Variants in TENM4 observed in about 807,000 individuals in gnomAD.
TENM4 encodes the protein teneurin transmembrane protein 4, also known as teneurin-4.
TENM4 carries 82 observed loss-of-function variants against 243.3 expected under a neutral mutation model. The ratio of observed to expected loss-of-function variants is 0.34; its 90% confidence interval spans 0.28 to 0.40. TENM4 has a LOEUF of 0.40. TENM4 is among the 10% of genes least tolerant of loss of function. The probability of loss-of-function intolerance (pLI) is 1.00; values close to 1 mark genes in which losing one functional copy is unlikely to be tolerated. For synonymous variants in TENM4, 1,412 were observed against 1,456.3 expected (o/e 0.97, Z 0.69); for missense variants, 3,138 against 3,673.3 (o/e 0.85, Z 3.77).
chr11:79,166,443 C>A (rs1019014554), intron 3 of TENM4, among the ~76,000 whole-genome samples: 6 of 152,126 alleles, frequency 3.9e-5, no homozygotes, highest in Admixed American at 3.9e-4. Context: ...ATCATACAAT[C>A]CCTGCCCCTG....
chr11:78,837,679 T>C (rs552199315), intron 12 of TENM4, among the ~76,000 whole-genome samples: 15 of 152,220 alleles, frequency 9.9e-5, no homozygotes, highest in Non-Finnish European at 1.3e-4. Context: ...TCTAAATATG[T>C]GGATTAGGCA....
At chr11:78,998,706 G>A (rs1858238247) in intron 6 of TENM4, among the ~76,000 whole-genome samples, 1 of 152,182 alleles carries the variant, frequency 6.6e-6, no homozygotes, top group Admixed American at 6.5e-5. Flanking sequence ...AGGTCAGTGG[G>A]AGCAGCAGCT....
intron 1 of TENM4, among the ~76,000 whole-genome samples, chr11:79,299,950 T>C (rs893710770): frequency 6.6e-6 from 1 of 152,212 alleles, no homozygotes; most frequent in African/African-American, 2.4e-5. Context: ...ATTTCTGCAC[T>C]GAATATGAGC....
At chr11:79,425,443 G>A (rs1484108582) in intron 1 of TENM4, among the ~76,000 whole-genome samples, 1 of 152,162 alleles carries the variant, frequency 6.6e-6, no homozygotes, top group Non-Finnish European at 1.5e-5. Context: ...AGTGTCTGGA[G>A]CCTTTGGGGA....
At chr11:78,897,091 T>A (rs1439133258) in intron 7 of TENM4, among the ~76,000 whole-genome samples, 1 of 152,122 alleles carries the variant, frequency 6.6e-6, no homozygotes. Context: ...GAGTCTGGAA[T>A]CCAGGTACTT....
chr11:79,090,661 G>A (rs1185714383), intron 4 of TENM4, among the ~76,000 whole-genome samples: 3 of 152,216 alleles, frequency 2.0e-5, no homozygotes, highest in African/African-American at 7.2e-5. Context: ...TCCCCTGTGC[G>A]CCTCTGCCTC....
intron 2 of TENM4, among the ~76,000 whole-genome samples, chr11:79,280,308 T>C (rs1856134419): frequency 6.6e-6 from 1 of 152,184 alleles, no homozygotes; most frequent in Admixed American, 6.5e-5. Flanking sequence ...CTTCCTCCTT[T>C]TGTGGCCATC....
intron 3 of TENM4, among the ~76,000 whole-genome samples, chr11:79,163,710 T>G (rs781078212): frequency 1.1e-4 from 17 of 151,416 alleles, no homozygotes; most frequent in African/African-American, 1.2e-4. Flanking sequence ...TTGCTGCAAA[T>G]AGCATTATTT....
intron 6 of TENM4, among the ~76,000 whole-genome samples, chr11:78,992,549 A>T (rs1858072213): frequency 6.6e-6 from 1 of 152,212 alleles, no homozygotes; most frequent in African/African-American, 2.4e-5. Flanking sequence ...TTGTGGTGGT[A>T]TGTGAACTCA....
At chr11:79,054,194 A>G (rs551525623) in intron 6 of TENM4, among the ~76,000 whole-genome samples, 1 of 152,102 alleles carries the variant, frequency 6.6e-6, no homozygotes, top group African/African-American at 2.4e-5. Context: ...GACCATTTAC[A>G]TAGGAGGGAA....
chr11:78,729,357 C>A lies in TENM4; in HGVS notation c.3406+19G>T, dbSNP rs1855596816. On this transcript the variant is annotated intron_variant, in intron 22 of 33. Transcript: ENST00000278550. Reference sequence around the variant, plus strand: ...CCCTGCAAGAGCTATTCTCTGAGTCCTGCAGCCGGGAGGCTTACCAAAGGC... The same window carrying A: ...CCCTGCAAGAGCTATTCTCTGAGTCATGCAGCCGGGAGGCTTACCAAAGGC... The A allele has an allele frequency of 2.6e-6, 4 of 1,558,216 alleles. No homozygotes were observed. Among genetic ancestry groups the A allele is most frequent in the Non-Finnish European group, 3.5e-6 (4 of 1,149,548 alleles).
intron 1 of TENM4, among the ~76,000 whole-genome samples, chr11:79,312,820 C>T (rs1031260353): frequency 6.6e-6 from 1 of 152,178 alleles, no homozygotes; most frequent in African/African-American, 2.4e-5. Context: ...CTGCCACTAG[C>T]ATATTCTGAA....
At chr11:78,832,241 G>C (rs1858001740) in intron 12 of TENM4, among the ~76,000 whole-genome samples, 1 of 152,134 alleles carries the variant, frequency 6.6e-6, no homozygotes, top group African/African-American at 2.4e-5. Context: ...GTCCACCCTA[G>C]TCTATAGTGA....
At chr11:78,841,690 C>T (rs1467833277) in intron 12 of TENM4, among the ~76,000 whole-genome samples, 2 of 152,110 alleles carry the variant, frequency 1.3e-5, no homozygotes, top group Admixed American at 6.5e-5. Flanking sequence ...GCTGACAGCA[C>T]GTCCAGGGCT....
chr11:79,318,234 G>A (rs1348336844), intron 1 of TENM4, among the ~76,000 whole-genome samples: 2 of 152,182 alleles, frequency 1.3e-5, no homozygotes, highest in East Asian at 3.9e-4. Flanking sequence ...TGAACAGGGG[G>A]GATAAAAAGG....
In TENM4 at chr11:79,389,414, C is replaced by A. The variant is rs140281237; in HGVS notation, c.-321+51095G>T. On this transcript the variant is annotated intron_variant, in intron 1 of 33. Coordinates refer to ENST00000278550, the MANE Select transcript of TENM4 (RefSeq NM_001098816.3). ...TCAAGCAATCCTTCTGCCTTGGCCT[C>A]CCAAAATGCTGGGATTACAGGTGTG... 3.4e-4 allele frequency among the ~76,000 whole-genome samples: 52 copies of A among 152,338 alleles called. 1 individual carries two copies. The East Asian group carries it at 9.1e-3, about 27-fold the overall frequency.
chr11:78,993,292 G>A (rs902716740), intron 6 of TENM4, among the ~76,000 whole-genome samples: 2 of 151,996 alleles, frequency 1.3e-5, no homozygotes, highest in Non-Finnish European at 2.9e-5. Context: ...TGAAAAAGGG[G>A]AATTTATGTC....
intron 6 of TENM4, among the ~76,000 whole-genome samples, chr11:78,981,287 C>T (rs1049518686): frequency 2.0e-5 from 3 of 152,176 alleles, no homozygotes; most frequent in Non-Finnish European, 4.4e-5. Flanking sequence ...ATCCCATGTG[C>T]AGAACACTCT....
intron 2 of TENM4, among the ~76,000 whole-genome samples, chr11:79,225,073 G>A (rs548632620): frequency 6.6e-6 from 1 of 152,182 alleles, no homozygotes; most frequent in Non-Finnish European, 1.5e-5. Flanking sequence ...GAAAAGTCCA[G>A]GACAGATTCT....
Sources: gnomAD v4.1 joint callset for allele counts (sites outside exome capture counted in the v4.1 genomes callset) on GRCh38, gnomAD v4.1.1 for gene constraint, MANE v1.5 for transcripts, NCBI Gene and HGNC (gene_info 2026-07-23, HGNC 2026-07-21) for gene names.